Variants in LRRC7 observed in about 807,000 individuals in gnomAD.
LRRC7 encodes the protein leucine rich repeat containing 7.
In LRRC7, 23 loss-of-function variants were observed where a neutral mutation model predicts 175.7. That is an observed-to-expected ratio of 0.13 (90% CI 0.09 to 0.19). The LOEUF is 0.19. Among genes scored for constraint, LRRC7 ranks in the 10% least tolerant of loss-of-function variants. The probability of loss-of-function intolerance (pLI) is 1.00; values close to 1 mark genes in which losing one functional copy is unlikely to be tolerated. For synonymous variants in LRRC7, 685 were observed against 680.9 expected, an observed-to-expected ratio of 1.01 and a Z score of -0.09; for missense variants, 1,354 against 1,904.7, an observed-to-expected ratio of 0.71 and a Z score of 5.38.
At position 70,000,985 on chromosome 1, in the gene LRRC7, G is replaced by A. The variant is rs376211394; in HGVS notation, c.1004+6352G>A. ...AATCACCAGCAAATTTCCTGTCCCT[G>A]TTCCGACTGTTTCTTTCATGATACT... On this transcript the variant is annotated intron_variant, in intron 11 of 26. Coordinates refer to ENST00000651989, the MANE Select transcript of LRRC7 (RefSeq NM_001370785.2). Among the ~76,000 whole-genome samples, 7 of 152,228 alleles carry A rather than the reference G, an allele frequency of 4.6e-5. No individual in the cohort carries two copies. The South Asian group carries it at 1.5e-3, about 32-fold the overall frequency.
chr1:69,596,584 A>G (rs1305260900), intron 1 of LRRC7, among the ~76,000 whole-genome samples: 1 of 152,250 alleles, frequency 6.6e-6, no homozygotes. Flanking sequence ...TTATAAATAC[A>G]TGTTAAGCTT....
chr1:69,796,277 G>A (rs941126597), intron 4 of LRRC7, among the ~76,000 whole-genome samples: 4 of 151,438 alleles, frequency 2.6e-5, no homozygotes, highest in African/African-American at 9.7e-5. Flanking sequence ...TTTCATCCAT[G>A]TCCCTACAAA....
At chr1:69,774,943 A>G (rs748663716) in intron 3 of LRRC7, among the ~76,000 whole-genome samples, 30 of 151,828 alleles carry the variant, frequency 2.0e-4, no homozygotes, top group Non-Finnish European at 3.5e-4. Flanking sequence ...TAGCTAAAAG[A>G]GTTGAAAGAA....
chr1:69,905,384 T>C (rs563982109), intron 7 of LRRC7, among the ~76,000 whole-genome samples: 58 of 152,184 alleles, frequency 3.8e-4, no homozygotes, highest in African/African-American at 1.3e-3. Context: ...ATTAGGTATA[T>C]CTCCTAATGC....
intron 23 of LRRC7, among the ~76,000 whole-genome samples, chr1:70,063,128 C>G (rs1041382976): frequency 5.3e-5 from 8 of 152,064 alleles, no homozygotes. Flanking sequence ...CAGTCTCACT[C>G]TAAATTATTT....
chr1:69,811,545 A>G (rs999250010), intron 4 of LRRC7, among the ~76,000 whole-genome samples: 4 of 152,202 alleles, frequency 2.6e-5, no homozygotes, highest in African/African-American at 9.6e-5. Flanking sequence ...GACAGACTGG[A>G]TAAAGAAAAT....
At chr1:70,054,648 G>A (rs1017608573) in intron 23 of LRRC7, among the ~76,000 whole-genome samples, 1 of 120,740 alleles carries the variant, frequency 8.3e-6, no homozygotes, top group Non-Finnish European at 1.6e-5. Context: ...CTGGAGCGCA[G>A]TGGCGCGATC....
In LRRC7 at chr1:69,815,657, A is replaced by G. The variant is rs1218834928; in HGVS notation, c.422-10091A>G. On this transcript the variant is annotated intron_variant, in intron 4 of 26. Transcript: ENST00000651989. Reference sequence around the variant, plus strand: ...GAACTTAGAGAATATGGCTTTAAACAAAAAATGTACTTCAAGAAGCTCTTT... The same window carrying G: ...GAACTTAGAGAATATGGCTTTAAACGAAAAATGTACTTCAAGAAGCTCTTT... 7.2e-5 allele frequency among the ~76,000 whole-genome samples: 11 copies of G among 152,356 alleles called. No individual in the cohort carries two copies. The South Asian group carries it at 2.3e-3, about 32-fold the overall frequency.
At chr1:69,994,661 G>A (rs1444688466) in intron 11 of LRRC7, 28 bp downstream of exon 11, 10 of 1,530,652 alleles carry the variant, frequency 6.5e-6, no homozygotes, top group Non-Finnish European at 9.0e-6. Context: ...ATTCCAGTCT[G>A]CCTCTCAAAA....
At chr1:69,918,481 CA>C (rs1414418861) in intron 7 of LRRC7, among the ~76,000 whole-genome samples, 5 of 152,210 alleles carry the variant, frequency 3.3e-5, no homozygotes, top group East Asian at 1.9e-4. Flanking sequence ...CTAAAAGGAA[CA>C]TTTTTTTTGG....
At chr1:69,584,041 A>G (rs1646306977) in intron 1 of LRRC7, among the ~76,000 whole-genome samples, 1 of 152,146 alleles carries the variant, frequency 6.6e-6, no homozygotes, top group African/African-American at 2.4e-5. Flanking sequence ...ACTCATTTTG[A>G]TGAATATGGC....
At chr1:70,104,717 TG>T in intron 25 of LRRC7, among the ~76,000 whole-genome samples, 1 of 152,130 alleles carries the variant, frequency 6.6e-6, no homozygotes. Context: ...GAACAGAGGT[TG>T]AATCCTCCAG....
Position 70,142,636 on chromosome 1 carries a change from A to G in LRRC7, c.*20749A>G, listed in dbSNP as rs1391897014. ...TTTGTAAATTTTAAAGACCACCACA[A>G]AAGACCTTGAAAAAAGTGAAACTAC... On this transcript the variant is annotated 3_prime_UTR_variant, in exon 27 of 27. Transcript: ENST00000651989. The G allele has an allele frequency of 1.3e-5, 2 of 152,098 alleles. No homozygotes were observed. The highest frequency in any genetic ancestry group is 4.8e-5 in the African/African-American group (2 of 41,438). 9.4% of individuals were successfully genotyped at this position (152,098 alleles called of 1,614,324 possible). A position where few individuals can be genotyped will look rare whatever the true frequency, so the allele number is the denominator to read the frequency against.
chr1:69,863,784 A>T (rs1684615358), intron 7 of LRRC7, among the ~76,000 whole-genome samples: 1 of 152,042 alleles, frequency 6.6e-6, no homozygotes, highest in South Asian at 2.1e-4. Flanking sequence ...CTCTGCCTCC[A>T]CTCTGCCACA....
At chr1:70,090,540 A>G (rs1663951608) in intron 25 of LRRC7, among the ~76,000 whole-genome samples, 1 of 152,056 alleles carries the variant, frequency 6.6e-6, no homozygotes, top group South Asian at 2.1e-4. Context: ...ACCTGGAGCT[A>G]TAGAACCTGC....
In LRRC7 at chr1:70,088,620, T is replaced by C. The variant is rs76600174; in HGVS notation, c.4453-1107T>C. On this transcript the variant is annotated intron_variant, in intron 24 of 26. Coordinates refer to ENST00000651989, the MANE Select transcript of LRRC7 (RefSeq NM_001370785.2). ...AAGTGTTTTTTCTTTATGTAACCAA[T>C]GTATACTGCCTCTTGGTCCGAAATC... Among the ~76,000 whole-genome samples, 1,276 of 152,262 alleles carry C rather than the reference T, an allele frequency of 8.4e-3. 20 individuals are homozygous for C. Among genetic ancestry groups the C allele is most frequent in the African/African-American group, 0.029 (1,214 of 41,562 alleles).
chr1:69,577,015 G>A (rs973073622), intron 1 of LRRC7, among the ~76,000 whole-genome samples: 7 of 151,494 alleles, frequency 4.6e-5, no homozygotes, highest in Non-Finnish European at 1.0e-4. Flanking sequence ...TTTTTTGTTT[G>A]TTTACTCGCT....
In LRRC7 at chr1:69,924,283, C is replaced by T. The variant is rs1337402774; in HGVS notation, c.648-7224C>T. Among the ~76,000 whole-genome samples the T allele has an allele frequency of 1.3e-4, 19 of 151,890 alleles. 1 individual carries two copies. Among genetic ancestry groups the T allele is most frequent in the South Asian group, 6.3e-4 (3 of 4,798 alleles). ...TTGGCTTAGGATTGCCTTGGCGATG[C>T]GGGCTCTTTTTTGGTTCCATATGAA... On this transcript the variant is annotated intron_variant, in intron 7 of 26. Coordinates refer to ENST00000651989, the MANE Select transcript of LRRC7 (RefSeq NM_001370785.2).
chr1:69,816,713 A>T (rs1352238357), intron 4 of LRRC7, among the ~76,000 whole-genome samples: 1 of 152,164 alleles, frequency 6.6e-6, no homozygotes, highest in African/African-American at 2.4e-5. Context: ...TATAATTACT[A>T]ACTATAGTCT....
Sources: gnomAD v4.1 joint callset for allele counts (sites outside exome capture counted in the v4.1 genomes callset) on GRCh38, gnomAD v4.1.1 for gene constraint, MANE v1.5 for transcripts, NCBI Gene and HGNC (gene_info 2026-07-23, HGNC 2026-07-21) for gene names.